EPM2A: variants seen among roughly 807,000 people sequenced by gnomAD.
EPM2A encodes EPM2A glucan phosphatase, laforin, also known as laforin.
In EPM2A, 21 loss-of-function variants were observed where a neutral mutation model predicts 26.5. The observed-to-expected ratio is 0.79, with a 90% CI of 0.56 to 1.14. The LOEUF (loss-of-function observed/expected upper bound fraction) is 1.14. Ranked by LOEUF, EPM2A falls within the 50% of genes most tolerant of loss-of-function variation. The pLI is 0.00. For synonymous variants in EPM2A, 217 were observed against 177.6 expected (o/e 1.22, Z -1.76); for missense variants, 458 against 440.8 (o/e 1.04, Z -0.35).
chr6:145,530,018 T>C (rs1485981058), intron 2 of EPM2A, among the ~76,000 whole-genome samples: 1 of 152,182 alleles, frequency 6.6e-6, no homozygotes, highest in East Asian at 1.9e-4. Flanking sequence ...AAGAAAATGA[T>C]CATCACTTTG....
intron 1 of EPM2A, among the ~76,000 whole-genome samples, chr6:145,726,613 G>C (rs186867206): frequency 6.6e-6 from 1 of 152,160 alleles, no homozygotes; most frequent in Admixed American, 6.5e-5. Flanking sequence ...ATGTAATAAG[G>C]AAGGCACTTT....
chr6:145,603,391 T>A (rs1194857605), intron 2 of EPM2A, among the ~76,000 whole-genome samples: 2 of 152,198 alleles, frequency 1.3e-5, no homozygotes, highest in Non-Finnish European at 2.9e-5. Flanking sequence ...CATCAGGTTC[T>A]TTTGTATGTG....
chr6:145,665,492 T>C (rs1381190113), intron 2 of EPM2A, among the ~76,000 whole-genome samples: 1 of 116,784 alleles, frequency 8.6e-6, no homozygotes, highest in Admixed American at 1.0e-4. Context: ...AATAGACCAA[T>C]AACAGGAGCT....
intron 2 of EPM2A, among the ~76,000 whole-genome samples, chr6:145,556,841 AT>A (rs1780733974): frequency 1.3e-5 from 2 of 152,150 alleles, no homozygotes; most frequent in South Asian, 4.2e-4. Flanking sequence ...TATTTTAAGT[AT>A]TTACAATAAT....
At chr6:145,711,300 A>G (rs1373733565) in intron 1 of EPM2A, among the ~76,000 whole-genome samples, 2 of 152,214 alleles carry the variant, frequency 1.3e-5, no homozygotes, top group African/African-American at 4.8e-5. Context: ...TACTCATTAT[A>G]CCGCAGGAGC....
chr6:145,531,093 T>C (rs1025881025), intron 2 of EPM2A, among the ~76,000 whole-genome samples: 4 of 152,168 alleles, frequency 2.6e-5, no homozygotes, highest in African/African-American at 7.2e-5. Flanking sequence ...AATTTTAAGA[T>C]GAAGTTATAG....
chr6:145,502,411 A>G (rs772456074), intron 3 of EPM2A: 24 of 427,832 alleles, frequency 5.6e-5, no homozygotes, highest in Non-Finnish European at 6.6e-5. Context: ...TGAGCCATAG[A>G]GCAGTGTCCT....
chr6:145,501,806 C>T (rs1465087040), exon 4 of EPM2A: 1 of 470,992 alleles, frequency 2.1e-6, no homozygotes, highest in East Asian at 6.9e-5. Flanking sequence ...ATATTTGTGT[C>T]TTACTTTTGT....
chr6:145,609,352 A>G (rs986995073), intron 2 of EPM2A, among the ~76,000 whole-genome samples: 1 of 152,232 alleles, frequency 6.6e-6, no homozygotes, highest in Non-Finnish European at 1.5e-5. Flanking sequence ...TTGTTTTACT[A>G]CCATCAGATA....
At chr6:145,705,665 C>T (rs1233851161) in intron 1 of EPM2A, 1 of 425,892 alleles carries the variant, frequency 2.3e-6, no homozygotes, top group Non-Finnish European at 4.7e-6. Flanking sequence ...TCATGCTGAC[C>T]ATCAAGGCAA....
intron 2 of EPM2A, among the ~76,000 whole-genome samples, chr6:145,601,316 G>C (rs1781414586): frequency 6.6e-6 from 1 of 151,968 alleles, no homozygotes; most frequent in African/African-American, 2.4e-5. Context: ...TTATTTGTTT[G>C]TGTGTGTTGT....
At chr6:145,415,521 G>A (rs926207061) in intron 4 of EPM2A, among the ~76,000 whole-genome samples, 30 of 152,030 alleles carry the variant, frequency 2.0e-4, no homozygotes, top group African/African-American at 6.3e-4. Flanking sequence ...TTATTTCTGT[G>A]CCTGACATTT....
intron 4 of EPM2A, among the ~76,000 whole-genome samples, chr6:145,474,290 C>G (rs1779514362): frequency 6.6e-6 from 1 of 151,982 alleles, no homozygotes; most frequent in Non-Finnish European, 1.5e-5. Context: ...GGTGAAACCC[C>G]ATCTCTACTA....
At chr6:145,693,411 T>C (rs1781393734) in intron 1 of EPM2A, among the ~76,000 whole-genome samples, 1 of 152,032 alleles carries the variant, frequency 6.6e-6, no homozygotes. Flanking sequence ...GCAATCATTC[T>C]AAGAGAAATA....
At chr6:145,695,431 T>A (rs946142363) in intron 1 of EPM2A, among the ~76,000 whole-genome samples, 1 of 151,958 alleles carries the variant, frequency 6.6e-6, no homozygotes, top group Non-Finnish European at 1.5e-5. Context: ...GGCAGTAAGA[T>A]AAGTCCTTAC....
Position 145,597,173 on chromosome 6 carries a change from C to T in EPM2A, c.340+38072G>A, listed in dbSNP as rs540989361. ...CCTCCCAAAGTGCTGGGATTACAGG[C>T]GTGAGCCACCGCGCCCGGCCTCTCC... On this transcript the variant is annotated intron_variant, in intron 2 of 3. Coordinates refer to the EPM2A transcript ENST00000450221. Among the ~76,000 whole-genome samples, 89 of 151,880 alleles carry T rather than the reference C, an allele frequency of 5.9e-4. 1 individual carries two copies. The highest frequency in any genetic ancestry group is 2.0e-3 in the African/African-American group (81 of 41,448).
intron 2 of EPM2A, among the ~76,000 whole-genome samples, chr6:145,592,020 T>A (rs1427811830): frequency 1.3e-5 from 2 of 152,256 alleles, no homozygotes; most frequent in African/African-American, 2.4e-5. Context: ...TGTATTTTTT[T>A]AAAATTATAC....
intron 4 of EPM2A, among the ~76,000 whole-genome samples, chr6:145,495,031 C>T (rs1332150443): frequency 6.6e-5 from 10 of 152,126 alleles, no homozygotes; most frequent in Non-Finnish European, 1.3e-4. Context: ...GAGTTCAGGT[C>T]CTGAATATCT....
At chr6:145,408,658 C>A (rs1248148622) in intron 4 of EPM2A, among the ~76,000 whole-genome samples, 1 of 152,114 alleles carries the variant, frequency 6.6e-6, no homozygotes, top group East Asian at 1.9e-4. Flanking sequence ...CTGCTGGGCA[C>A]ACAACAGCAA....
Sources: allele counts gnomAD v4.1 joint callset (sites outside exome capture counted in the v4.1 genomes callset), GRCh38; gene constraint gnomAD v4.1.1; transcripts MANE v1.5; gene names NCBI Gene and HGNC (gene_info 2026-07-23, HGNC 2026-07-21).